Variants in CDC73 observed in about 807,000 individuals in gnomAD.
CDC73 encodes cell division cycle 73.
A neutral mutation model predicts 83.7 loss-of-function variants in CDC73; 21 were observed. That is an observed-to-expected ratio of 0.25 (90% CI 0.18 to 0.36). The LOEUF is 0.36. Ranked by LOEUF, CDC73 falls within the 10% of genes least tolerant of loss-of-function variation. The probability of loss-of-function intolerance (pLI) is 1.00; values close to 1 mark genes in which losing one functional copy is unlikely to be tolerated. For synonymous variants in CDC73, 224 were observed against 212.9 expected, an observed-to-expected ratio of 1.05 and a Z score of -0.45; for missense variants, 342 against 653.3, an observed-to-expected ratio of 0.52 and a Z score of 5.19.
intron 12 of CDC73, 66 bp downstream of exon 12, chr1:193,212,166 T>A: frequency 7.7e-7 from 1 of 1,297,340 alleles, no homozygotes; most frequent in Non-Finnish European, 1.1e-6. Context: ...CCAGGCCTGA[T>A]AATTTTCTTG....
At chr1:193,170,301 G>T (rs887595970) in intron 10 of CDC73, among the ~76,000 whole-genome samples, 3 of 152,174 alleles carry the variant, frequency 2.0e-5, no homozygotes, top group African/African-American at 7.2e-5. Context: ...ATTCCTTTGA[G>T]TATATAACCA....
intron 13 of CDC73, among the ~76,000 whole-genome samples, chr1:193,219,626 T>G (rs1677431805): frequency 6.6e-6 from 1 of 151,886 alleles, no homozygotes; most frequent in African/African-American, 2.4e-5. Flanking sequence ...TCCTAACAAA[T>G]TAACAGAGAA....
chr1:193,128,941 C>G (rs1424052030), intron 2 of CDC73, among the ~76,000 whole-genome samples: 1 of 151,244 alleles, frequency 6.6e-6, no homozygotes, highest in Non-Finnish European at 1.5e-5. Context: ...TGGGTCTCGC[C>G]TCAGTCTCCT....
At chr1:193,224,892 A>T (rs948885687) in intron 13 of CDC73, among the ~76,000 whole-genome samples, 5 of 151,232 alleles carry the variant, frequency 3.3e-5, no homozygotes, top group Admixed American at 6.6e-5. Flanking sequence ...TTTTGTCTTT[A>T]AAAAAAAATT....
intron 15 of CDC73, among the ~76,000 whole-genome samples, chr1:193,241,103 C>T (rs957815888): frequency 1.3e-5 from 2 of 151,990 alleles, no homozygotes; most frequent in Non-Finnish European, 2.9e-5. Context: ...TTCTTGTGTC[C>T]TATGTTGATA....
chr1:193,214,146 T>C (rs1677322272), intron 13 of CDC73, among the ~76,000 whole-genome samples: 1 of 152,230 alleles, frequency 6.6e-6, no homozygotes, highest in Admixed American at 6.5e-5. Flanking sequence ...TAGTACTGCC[T>C]ACACTTTCCT....
intron 10 of CDC73, among the ~76,000 whole-genome samples, chr1:193,188,883 G>C (rs1300147927): frequency 6.6e-6 from 1 of 151,566 alleles, no homozygotes; most frequent in Non-Finnish European, 1.5e-5. Flanking sequence ...AACAAAAGGT[G>C]CCTATGTACT....
chr1:193,230,648 G>A (rs1677648781), intron 13 of CDC73, among the ~76,000 whole-genome samples: 2 of 152,028 alleles, frequency 1.3e-5, no homozygotes, highest in African/African-American at 2.4e-5. Flanking sequence ...GATGATGACT[G>A]TGATTTATGT....
At chr1:193,151,387 T>TAAGA (rs1183790595) in intron 9 of CDC73, among the ~76,000 whole-genome samples, 2 of 152,234 alleles carry the variant, frequency 1.3e-5, no homozygotes, top group Non-Finnish European at 2.9e-5. Context: ...GAATGAATTA[T>TAAGA]ATAAAGCAGA....
chr1:193,163,076 A>G (rs1417536947), intron 10 of CDC73, among the ~76,000 whole-genome samples: 1 of 152,088 alleles, frequency 6.6e-6, no homozygotes, highest in Non-Finnish European at 1.5e-5. Context: ...TGAGTTTTAG[A>G]GTGACAGAAT....
chr1:193,189,568 A>G (rs530326967), intron 10 of CDC73, among the ~76,000 whole-genome samples: 20 of 152,334 alleles, frequency 1.3e-4, no homozygotes, highest in African/African-American at 4.3e-4. Context: ...TGTCACTTGC[A>G]TAAGTCTATT....
chr1:193,137,244 T>C (rs752974131), intron 5 of CDC73, among the ~76,000 whole-genome samples: 6 of 152,252 alleles, frequency 3.9e-5, no homozygotes, highest in Non-Finnish European at 8.8e-5. Flanking sequence ...AAAATATTTT[T>C]GCATTTATTT....
intron 10 of CDC73, among the ~76,000 whole-genome samples, chr1:193,194,391 G>A (rs533235984): frequency 2.0e-5 from 3 of 152,210 alleles, no homozygotes; most frequent in Non-Finnish European, 4.4e-5. Flanking sequence ...TAGCTCTTAA[G>A]ACTTACAGAT....
At chr1:193,128,443 C>T (rs1675626401) in intron 2 of CDC73, among the ~76,000 whole-genome samples, 1 of 150,966 alleles carries the variant, frequency 6.6e-6, no homozygotes, top group Non-Finnish European at 1.5e-5. Context: ...ATAGCTGGGA[C>T]TGCAGGCGCT....
At chr1:193,212,272 T>A in intron 12 of CDC73, 118 bp from the exon 13 acceptor site, 1 of 892,188 alleles carries the variant, frequency 1.1e-6, no homozygotes, top group Non-Finnish European at 1.7e-6. Flanking sequence ...TCCACTGGCT[T>A]AAAATATTTT....
chr1:193,181,006 G>T, intron 10 of CDC73: 1 of 1,613,624 alleles, frequency 6.2e-7, no homozygotes. Context: ...AAATATTCTT[G>T]TGATTTGAAT....
Position 193,250,929 on chromosome 1 carries a change from T to G in CDC73, c.*217T>G. The stretch of plus-strand genomic sequence containing the variant: ...TCTAGTCTGTAATGGAAATTGTATA[T>G]TTTGATAGAAGTTTTTTCTCCATTG... On this transcript the variant is annotated 3_prime_UTR_variant, in exon 17 of 17. Coordinates refer to ENST00000367435, the MANE Select transcript of CDC73 (RefSeq NM_024529.5). 1.9e-6 allele frequency: 1 copy of G among 533,598 alleles called. No homozygotes were observed. The highest frequency in any genetic ancestry group is 3.4e-6 in the Non-Finnish European group (1 of 298,294). The allele number at this position is 533,598 out of a possible 1,614,324, so 33.1% of individuals were successfully genotyped here.
chr1:193,198,890 A>T (rs1214092269), intron 10 of CDC73, among the ~76,000 whole-genome samples: 1 of 152,244 alleles, frequency 6.6e-6, no homozygotes, highest in Non-Finnish European at 1.5e-5. Flanking sequence ...CGTACAATAG[A>T]TACAACATCT....
intron 15 of CDC73, among the ~76,000 whole-genome samples, chr1:193,241,435 A>T (rs1677856001): frequency 6.6e-6 from 1 of 152,238 alleles, no homozygotes; most frequent in South Asian, 2.1e-4. Flanking sequence ...AAGGCCACGT[A>T]TGCTGGCACC....
Sources: allele counts gnomAD v4.1 joint callset (sites outside exome capture counted in the v4.1 genomes callset), GRCh38; gene constraint gnomAD v4.1.1; transcripts MANE v1.5; gene names NCBI Gene and HGNC (gene_info 2026-07-23, HGNC 2026-07-21).